Variants in CPQ observed in about 807,000 individuals in gnomAD.
CPQ encodes Ser-Met dipeptidase.
CPQ carries 37 observed loss-of-function variants against 45.7 expected under a neutral mutation model. The ratio of observed to expected loss-of-function variants is 0.81; its 90% CI spans 0.62 to 1.07. The LOEUF is 1.07. Ranked by LOEUF, CPQ falls within the 50% of genes least tolerant of loss-of-function variation. The pLI is 0.00. For missense variants in CPQ, 537 were observed against 572.9 expected (o/e 0.94, Z 0.64); for synonymous variants, 186 against 205.8 (o/e 0.90, Z 0.82).
chr8:97,050,227 T>C (rs1256629509), intron 6 of CPQ, among the ~76,000 whole-genome samples: 2 of 152,190 alleles, frequency 1.3e-5, no homozygotes, highest in East Asian at 3.8e-4. Flanking sequence ...CAAAATATAA[T>C]GAAGAATTTT....
intron 4 of CPQ, among the ~76,000 whole-genome samples, chr8:96,947,782 A>T (rs759379622): frequency 2.6e-5 from 4 of 152,096 alleles, no homozygotes; most frequent in Non-Finnish European, 5.9e-5. Flanking sequence ...TTAAAATAAG[A>T]CTTCATGTCC....
intron 7 of CPQ, among the ~76,000 whole-genome samples, chr8:97,117,570 G>A (rs186895152): frequency 2.3e-4 from 35 of 152,000 alleles, no homozygotes; most frequent in African/African-American, 8.4e-4. Flanking sequence ...ATCTTGCCCT[G>A]TACCCAGGCT....
At chr8:96,673,868 AT>A (rs1380371471) in intron 1 of CPQ, among the ~76,000 whole-genome samples, 1 of 152,212 alleles carries the variant, frequency 6.6e-6, no homozygotes, top group East Asian at 1.9e-4. Context: ...ATAAATCGCA[AT>A]AAAATGCTAA....
At chr8:96,891,197 T>C (rs2130889408) in intron 4 of CPQ, among the ~76,000 whole-genome samples, 1 of 152,346 alleles carries the variant, frequency 6.6e-6, no homozygotes, top group African/African-American at 2.4e-5. Context: ...TGACGGTGGA[T>C]AAGACATTCC....
chr8:97,130,029 T>C (rs1261679936), intron 7 of CPQ, among the ~76,000 whole-genome samples: 1 of 152,240 alleles, frequency 6.6e-6, no homozygotes, highest in Non-Finnish European at 1.5e-5. Flanking sequence ...GTAACTGTGA[T>C]CATTCTGAGT....
intron 2 of CPQ, among the ~76,000 whole-genome samples, chr8:96,808,555 G>A (rs1811115614): frequency 6.6e-6 from 1 of 152,162 alleles, no homozygotes; most frequent in Non-Finnish European, 1.5e-5. Flanking sequence ...TTGAATTTGG[G>A]AACACCAGGG....
intron 1 of CPQ, among the ~76,000 whole-genome samples, chr8:96,691,604 T>G (rs1313637522): frequency 6.6e-6 from 1 of 152,208 alleles, no homozygotes; most frequent in Non-Finnish European, 1.5e-5. Flanking sequence ...CTTAAAATGT[T>G]TATAATTTAC....
At chr8:96,918,863 G>C (rs1276034202) in intron 4 of CPQ, among the ~76,000 whole-genome samples, 1 of 151,918 alleles carries the variant, frequency 6.6e-6, no homozygotes, top group African/African-American at 2.4e-5. Context: ...GGGACCTAAG[G>C]GTGTATATGC....
chr8:96,973,562 A>G (rs561424058), intron 5 of CPQ, among the ~76,000 whole-genome samples: 153 of 152,310 alleles, frequency 1.0e-3, no homozygotes, highest in African/African-American at 3.6e-3. Flanking sequence ...CTAGGCACAT[A>G]GTCATCAGGT....
intron 1 of CPQ, among the ~76,000 whole-genome samples, chr8:96,719,352 G>A (rs1441646208): frequency 6.6e-6 from 1 of 152,220 alleles, no homozygotes; most frequent in Non-Finnish European, 1.5e-5. Flanking sequence ...CATTGCCCAG[G>A]GCTGGCAGGG....
At chr8:96,705,664 T>C (rs1224907599) in intron 1 of CPQ, among the ~76,000 whole-genome samples, 2 of 152,116 alleles carry the variant, frequency 1.3e-5, no homozygotes, top group African/African-American at 2.4e-5. Context: ...ACTTTGGAGG[T>C]TGGCCTGCCT....
intron 2 of CPQ, among the ~76,000 whole-genome samples, chr8:96,818,891 C>T (rs1157465899): frequency 6.6e-6 from 1 of 152,006 alleles, no homozygotes; most frequent in African/African-American, 2.4e-5. Context: ...TTTATACTCC[C>T]GTATCAAATC....
chr8:97,003,550 T>C (rs970103221), intron 5 of CPQ, among the ~76,000 whole-genome samples: 62 of 152,180 alleles, frequency 4.1e-4, no homozygotes, highest in Non-Finnish European at 8.8e-5. Context: ...TGGGGACCCA[T>C]CACTAGATTT....
Position 97,035,258 on chromosome 8 carries a change from G to A in CPQ, c.1053+5764G>A, listed in dbSNP as rs181639682. 6.6e-5 allele frequency among the ~76,000 whole-genome samples: 10 copies of A among 152,260 alleles called. No homozygotes were observed. The East Asian group carries it at 1.7e-3, about 26-fold the overall frequency. Reference sequence around the variant, plus strand: ...CCACAGTCTCTTTATTCTCCAGAACGAATGAAGCAAGAATATTCTGTTGAT... The same window carrying A: ...CCACAGTCTCTTTATTCTCCAGAACAAATGAAGCAAGAATATTCTGTTGAT... On this transcript the variant is annotated intron_variant, in intron 6 of 7. Transcript: ENST00000220763.
At chr8:97,079,645 G>A (rs1005177738) in intron 7 of CPQ, among the ~76,000 whole-genome samples, 29 of 152,262 alleles carry the variant, frequency 1.9e-4, no homozygotes, top group African/African-American at 7.0e-4. Context: ...ATGGAGGGTT[G>A]AGACCCAAGA....
intron 7 of CPQ, among the ~76,000 whole-genome samples, chr8:97,093,248 A>C (rs1453524333): frequency 2.0e-5 from 3 of 152,194 alleles, no homozygotes; most frequent in Non-Finnish European, 4.4e-5. Context: ...GCCACTGTGG[A>C]AAGTACTTTT....
At chr8:96,692,284 A>G (rs1211102811) in intron 1 of CPQ, among the ~76,000 whole-genome samples, 3 of 152,188 alleles carry the variant, frequency 2.0e-5, no homozygotes, top group African/African-American at 4.8e-5. Context: ...TAATAGAACT[A>G]TTGTGAATAA....
At chr8:96,769,547 C>T (rs1474262084) in intron 1 of CPQ, among the ~76,000 whole-genome samples, 4 of 151,984 alleles carry the variant, frequency 2.6e-5, no homozygotes, top group Non-Finnish European at 4.4e-5. Flanking sequence ...GTCTTACATC[C>T]TCTTTGGATT....
intron 1 of CPQ, among the ~76,000 whole-genome samples, chr8:96,714,407 TCTA>T (rs1809649868): frequency 6.6e-6 from 1 of 152,180 alleles, no homozygotes; most frequent in Non-Finnish European, 1.5e-5. Context: ...CTAAAATTCT[TCTA>T]CTTGGTCTAT....
Sources: allele counts gnomAD v4.1 joint callset (sites outside exome capture counted in the v4.1 genomes callset), GRCh38; gene constraint gnomAD v4.1.1; transcripts MANE v1.5; gene names NCBI Gene and HGNC (gene_info 2026-07-23, HGNC 2026-07-21).